ABCB5: variants seen among roughly 807,000 people sequenced by gnomAD.
ABCB5 encodes the protein ATP binding cassette subfamily B member 5, also known as ATP-binding cassette sub-family B member 5.
In ABCB5, 155 loss-of-function variants were observed where a neutral mutation model predicts 144.2. That is an observed-to-expected ratio of 1.08 (90% CI 0.94 to 1.23). The LOEUF is 1.23. Among genes scored for constraint, ABCB5 ranks in the 50% most tolerant of loss-of-function variants. The pLI is 0.00. For missense variants in ABCB5, 1,830 were observed against 1,520.8 expected, an observed-to-expected ratio of 1.20 and a Z score of -3.38; for synonymous variants, 610 against 528.6, an observed-to-expected ratio of 1.15 and a Z score of -2.11.
Position 20,717,329 on chromosome 7 carries a change from G to A in ABCB5, c.2422-5687G>A, listed in dbSNP as rs74922179. Among the ~76,000 whole-genome samples, 411 of 152,124 alleles carry A rather than the reference G, an allele frequency of 2.7e-3. 3 individuals are homozygous for A. The highest frequency in any genetic ancestry group is 9.2e-3 in the African/African-American group (383 of 41,514). On this transcript the variant is annotated intron_variant, in intron 20 of 27. Transcript: ENST00000404938. ...CTAGAAGCCCAAGAACAAGATGTCC[G>A]CACGATTGGGTTTTACTCCGAGGGC...
chr7:20,617,321 G>T lies in ABCB5; in HGVS notation c.-22+1484G>T, dbSNP rs116342675. Among the ~76,000 whole-genome samples the T allele has an allele frequency of 2.5e-3, 382 of 152,208 alleles. 1 individual carries two copies. Among genetic ancestry groups the T allele is most frequent in the African/African-American group, 8.9e-3 (371 of 41,518 alleles). On this transcript the variant is annotated intron_variant, in intron 1 of 27. Transcript: ENST00000404938. ...GTGCATTTCTTTAGATTATCATTCAGTACATGTGGGGCAAGGCCTAGGTAG... is the reference window on the plus strand; with the variant it reads ...GTGCATTTCTTTAGATTATCATTCATTACATGTGGGGCAAGGCCTAGGTAG...
chr7:20,693,702 A>G (rs1259600975), intron 16 of ABCB5, among the ~76,000 whole-genome samples: 1 of 152,050 alleles, frequency 6.6e-6, no homozygotes, highest in African/African-American at 2.4e-5. Flanking sequence ...GAAGAAAATA[A>G]CAAAGAAAAA....
chr7:20,664,360 C>T (rs1261924413), intron 14 of ABCB5, among the ~76,000 whole-genome samples: 7 of 152,128 alleles, frequency 4.6e-5, no homozygotes. Flanking sequence ...TATTTTTATA[C>T]TATTGTATAA....
intron 4 of ABCB5, among the ~76,000 whole-genome samples, 191 bp from the exon 5 acceptor site, chr7:20,631,868 T>G (rs1465229048): frequency 6.6e-6 from 1 of 152,180 alleles, no homozygotes; most frequent in Non-Finnish European, 1.5e-5. Context: ...GCATGAGTAC[T>G]TCTTGAGAGC....
intron 20 of ABCB5, among the ~76,000 whole-genome samples, chr7:20,722,737 G>A (rs539629854): frequency 2.0e-5 from 3 of 152,058 alleles, no homozygotes; most frequent in South Asian, 2.1e-4. Flanking sequence ...CAAGAGAATC[G>A]CTTGAACCCA....
At position 20,742,884 on chromosome 7, in the gene ABCB5, G is replaced by A. The variant is rs777709724; in HGVS notation, c.3032G>A (p.Cys1011Tyr). 2 of 1,614,110 alleles carry A rather than the reference G, an allele frequency of 1.2e-6. No homozygotes were observed. The highest frequency in any genetic ancestry group is 1.7e-4 in the Middle Eastern group (1 of 6,028). Residue 1011 changes from cysteine (C) to tyrosine (Y), a missense_variant, in exon 25 of 28, where the codon TGT (cysteine) becomes TAT (tyrosine). By Grantham distance (194) the Cys-to-Tyr change is radical. Transcript: ENST00000404938. ...RSQEGKKPDT[C>Y]EGNLEFREVS... ...GTCAACTTCCTTTCACAGGACACATGTGAAGGGAATTTAGAGTTTCGAGAA... is the reference window on the plus strand; with the variant it reads ...GTCAACTTCCTTTCACAGGACACATATGAAGGGAATTTAGAGTTTCGAGAA...
chr7:20,730,915 T>A (rs1782188337), intron 23 of ABCB5, among the ~76,000 whole-genome samples: 1 of 152,168 alleles, frequency 6.6e-6, no homozygotes, highest in African/African-American at 2.4e-5. Flanking sequence ...TAGTTTTGAG[T>A]ATTAGTAGAA....
Position 20,745,246 on chromosome 7 carries a change from G to T in ABCB5, c.3237G>T (p.Val1079=), listed in dbSNP as rs374163146. The T allele has an allele frequency of 1.2e-6, 2 of 1,613,896 alleles. No individual in the cohort carries two copies. Among genetic ancestry groups the T allele is most frequent in the Non-Finnish European group, 1.7e-6 (2 of 1,179,868 alleles). The stretch of plus-strand genomic sequence containing the variant: ...GCTTTTGGCAGCTGTTTGATGGTGT[G>T]GATGCAAAAGAATTGAATGTACAGT... ...PVQGQVLFDG[V]DAKELNVQWL... is the part of the protein sequence containing the mutation. Residue 1079 remains valine (V), a synonymous_variant, in exon 26 of 28, where the codon GTG becomes GTT. Coordinates refer to ENST00000404938, the MANE Select transcript of ABCB5 (RefSeq NM_001163941.2).
intron 11 of ABCB5, among the ~76,000 whole-genome samples, chr7:20,649,568 C>G (rs925672786): frequency 1.3e-5 from 2 of 152,124 alleles, no homozygotes; most frequent in African/African-American, 4.8e-5. Flanking sequence ...TCTCATCTAT[C>G]GGGAGCCACT....
chr7:20,648,007 C>A lies in ABCB5; in HGVS notation c.1135C>A (p.Pro379Thr). The A allele has an allele frequency of 1.2e-6, 2 of 1,611,522 alleles. No homozygotes were observed. The highest frequency in any genetic ancestry group is 1.1e-5 in the South Asian group (1 of 90,942). Residue 379 changes from proline to threonine, a missense_variant, in exon 11 of 28, where the codon CCT becomes ACT. Pro to Thr is a conservative substitution (Grantham distance 38, BLOSUM62 -1). Coordinates refer to ENST00000404938, the MANE Select transcript of ABCB5 (RefSeq NM_001163941.2). Reference sequence around the variant, plus strand: ...TAACTTTTCCACAGCTGGATATAAACCTGAATCCATAGAAGGAACTGTGGA... The same window carrying A: ...TAACTTTTCCACAGCTGGATATAAAACTGAATCCATAGAAGGAACTGTGGA... ...IDNFSTAGYK[P>T]ESIEGTVEFK...
Position 20,651,596 on chromosome 7 carries a change from G to A in ABCB5, c.1509G>A (p.Ala503=), listed in dbSNP as rs61227829. Residue 503 remains alanine, a synonymous_variant, in exon 13 of 28, where the codon GCG becomes GCA. Coordinates refer to ENST00000404938, the MANE Select transcript of ABCB5 (RefSeq NM_001163941.2). The part of the protein sequence containing the change: ...EMERAAREAN[A]YDFIMEFPNK... ...AGAGAGCAGCAAGGGAAGCAAATGC[G>A]TATGATTTTATCATGGAGTTTCCTA... 0.12 allele frequency: 195,772 copies of A among 1,613,814 alleles called. 13,029 individuals are homozygous for A. Among genetic ancestry groups the A allele is most frequent in the Non-Finnish European group, 0.13 (158,790 of 1,179,830 alleles).
intron 20 of ABCB5, among the ~76,000 whole-genome samples, chr7:20,719,260 G>A (rs1781783857): frequency 6.6e-6 from 1 of 151,766 alleles, no homozygotes; most frequent in Non-Finnish European, 1.5e-5. Flanking sequence ...CAGCACTAAA[G>A]AACTTTATGT....
rs1404877599 is a variant in ABCB5, at chr7:20,632,168, G to A, written c.314+55G>A. ...TTCGTTGAATGATGCTTTATTTAAAGCTTACAAGAAAAAAGCAACTGAAAT... is the reference window on the plus strand; with the variant it reads ...TTCGTTGAATGATGCTTTATTTAAAACTTACAAGAAAAAAGCAACTGAAAT... On this transcript the variant is annotated intron_variant, in intron 5 of 27. Transcript: ENST00000404938. The A allele has an allele frequency of 5.5e-6, 7 of 1,273,782 alleles. No homozygotes were observed. The South Asian group carries it at 7.9e-5, about 14-fold the overall frequency. The allele number at this position is 1,273,782 out of a possible 1,614,324, so 78.9% of individuals were successfully genotyped here.
intron 23 of ABCB5, among the ~76,000 whole-genome samples, chr7:20,736,596 A>T (rs1782385183): frequency 6.6e-6 from 1 of 152,168 alleles, no homozygotes. Context: ...ACTCCTCAAG[A>T]CCAACAGTGA....
chr7:20,633,815 G>T (rs1583381052), intron 5 of ABCB5, among the ~76,000 whole-genome samples: 1 of 151,906 alleles, frequency 6.6e-6, no homozygotes, highest in East Asian at 1.9e-4. Context: ...TTCTTCTTTA[G>T]TTTTAATTCC....
Position 20,651,454 on chromosome 7 carries a change from A to G in ABCB5, c.1367A>G (p.Asn456Ser). The change falls in exon 13 of 28, where the codon AAT becomes AGT. Residue 456 changes from asparagine to serine, a missense_variant. By Grantham distance (46) the Asn-to-Ser change is conservative. Coordinates refer to ENST00000404938, the MANE Select transcript of ABCB5 (RefSeq NM_001163941.2). Reference sequence around the variant, plus strand: ...GATGAGAATGACATCAGAGCTTTAAATGTGCGGCATTATCGAGACCATATT... The same window carrying G: ...GATGAGAATGACATCAGAGCTTTAAGTGTGCGGCATTATCGAGACCATATT... ...MVDENDIRAL[N>S]VRHYRDHIGV... 6.2e-7 allele frequency: 1 copy of G among 1,614,090 alleles called. No homozygotes were observed. Among genetic ancestry groups the G allele is most frequent in the Non-Finnish European group, 8.5e-7 (1 of 1,180,006 alleles).
In ABCB5 at chr7:20,745,374, T is replaced by A. The variant is rs759964413; in HGVS notation, c.3365T>A (p.Leu1122Ter). The A allele has an allele frequency of 5.0e-6, 8 of 1,614,176 alleles. No homozygotes were observed. In the South Asian group the frequency reaches 8.8e-5, roughly 18 times the overall value. The change falls in exon 26 of 28, where the codon TTA becomes TAA. Residue 1122 changes from leucine to a stop codon, truncating the protein, a stop_gained. Transcript: ENST00000404938. LOFTEE classifies it high-confidence loss of function. Reference protein sequence around the residue: ...AYGDNSRVVPLDEIKEAANAA... With the variant: ...AYGDNSRVVP ...GGTGACAACAGCCGTGTGGTGCCAT[T>A]AGATGAGATCAAAGAAGCCGCAAAT...
chr7:20,753,605 A>G, intron 27 of ABCB5, 99 bp downstream of exon 27: 1 of 1,387,682 alleles, frequency 7.2e-7, no homozygotes, highest in Non-Finnish European at 9.7e-7. Context: ...AAGGCCTGGA[A>G]AGAATTGTAG....
In ABCB5 at chr7:20,632,072, C is replaced by A. The variant is rs1258514136; in HGVS notation, c.273C>A (p.Asn91Lys). Residue 91 changes from asparagine to lysine, a missense_variant, in exon 5 of 28, where the codon AAC becomes AAA. Physicochemically the swap from Asn to Lys is moderately conservative, Grantham distance 94. Coordinates refer to ENST00000404938, the MANE Select transcript of ABCB5 (RefSeq NM_001163941.2). ...CCTTTTTTACAGCAAATTATCAGAACTGTACTCAGTCTCAAGAGAAGCTGA... is the reference window on the plus strand; with the variant it reads ...CCTTTTTTACAGCAAATTATCAGAAATGTACTCAGTCTCAAGAGAAGCTGA... ...LVQTNTTNYQ[N>K]CTQSQEKLNE... 6.6e-7 allele frequency: 1 copy of A among 1,522,064 alleles called. No homozygotes were observed. The allele number at this position is 1,522,064 out of a possible 1,614,324, so 94.3% of individuals were successfully genotyped here. A position where few individuals can be genotyped will look rare whatever the true frequency, so the allele number is the denominator to read the frequency against.
Sources: allele counts gnomAD v4.1 joint callset (sites outside exome capture counted in the v4.1 genomes callset), GRCh38; gene constraint gnomAD v4.1.1; transcripts MANE v1.5; gene names NCBI Gene and HGNC (gene_info 2026-07-23, HGNC 2026-07-21).